The following ZNF804B variants were observed in gnomAD, a reference collection of about 807,000 sequenced individuals.
The protein encoded by ZNF804B is zinc finger 804B.
ZNF804B carries 80 observed loss-of-function variants against 101.4 expected under a neutral mutation model. The observed-to-expected ratio is 0.79, with a 90% CI of 0.66 to 0.95. ZNF804B has a LOEUF of 0.95. Ranked by LOEUF, ZNF804B falls within the 40% of genes least tolerant of loss-of-function variation. The pLI is 0.00. For missense variants in ZNF804B, 1,673 were observed against 1,561.9 expected, an observed-to-expected ratio of 1.07 and a Z score of -1.20; for synonymous variants, 622 against 558.8, an observed-to-expected ratio of 1.11 and a Z score of -1.59.
At chr7:88,762,738 A>G (rs1214873023) in intron 1 of ZNF804B, among the ~76,000 whole-genome samples, 2 of 151,812 alleles carry the variant, frequency 1.3e-5, no homozygotes, top group South Asian at 4.2e-4. Flanking sequence ...GGAATGACCT[A>G]AAATTGACCT....
At chr7:88,912,971 G>A (rs914748321) in intron 1 of ZNF804B, among the ~76,000 whole-genome samples, 8 of 152,138 alleles carry the variant, frequency 5.3e-5, no homozygotes, top group Non-Finnish European at 1.2e-4. Context: ...TCTTTTAGAA[G>A]CAACCTTTTG....
Position 88,988,411 on chromosome 7 carries a change from A to G in ZNF804B, c.108+228327A>G, listed in dbSNP as rs367634080. Reference sequence around the variant, plus strand: ...AGAGATGTGCTGCTCTATTTTGCATATAATGACACTTGATCAGTTGATATA... The same window carrying G: ...AGAGATGTGCTGCTCTATTTTGCATGTAATGACACTTGATCAGTTGATATA... On this transcript the variant is annotated intron_variant, in intron 1 of 3. Transcript: ENST00000333190. Among the ~76,000 whole-genome samples the G allele has an allele frequency of 9.2e-5, 14 of 152,246 alleles. No individual in the cohort carries two copies. The East Asian group carries it at 2.5e-3, about 27-fold the overall frequency.
chr7:88,893,567 C>A (rs1792244517), intron 1 of ZNF804B, among the ~76,000 whole-genome samples: 1 of 151,886 alleles, frequency 6.6e-6, no homozygotes, highest in Non-Finnish European at 1.5e-5. Context: ...TATACTAAAG[C>A]TTATGCAAAT....
At chr7:89,274,485 T>C (rs977994505) in intron 2 of ZNF804B, among the ~76,000 whole-genome samples, 2 of 150,556 alleles carry the variant, frequency 1.3e-5, no homozygotes, top group African/African-American at 4.9e-5. Context: ...ACAAAGGACA[T>C]GAACTCATCA....
intron 2 of ZNF804B, among the ~76,000 whole-genome samples, chr7:89,245,041 A>T (rs1168087019): frequency 6.6e-6 from 1 of 152,214 alleles, no homozygotes; most frequent in Non-Finnish European, 1.5e-5. Flanking sequence ...TAAAAATCTC[A>T]TGGACAAAAT....
At chr7:89,240,910 A>T (rs1226795595) in intron 2 of ZNF804B, among the ~76,000 whole-genome samples, 3 of 152,060 alleles carry the variant, frequency 2.0e-5, no homozygotes, top group African/African-American at 7.2e-5. Flanking sequence ...ACCCCACTTT[A>T]GTCCATTTCT....
intron 2 of ZNF804B, among the ~76,000 whole-genome samples, chr7:89,263,562 T>C (rs1433425843): frequency 2.0e-5 from 3 of 151,926 alleles, no homozygotes; most frequent in African/African-American, 7.3e-5. Flanking sequence ...AAAGATATGT[T>C]CTAACCACAC....
At chr7:88,775,767 A>G (rs1790132255) in intron 1 of ZNF804B, among the ~76,000 whole-genome samples, 1 of 152,224 alleles carries the variant, frequency 6.6e-6, no homozygotes, top group African/African-American at 2.4e-5. Context: ...ATGTATGACC[A>G]CTGAAATATG....
rs201369760 is a variant in ZNF804B at position 89,015,982 on chromosome 7, A to G, written c.109-202173A>G. On this transcript the variant is annotated intron_variant, in intron 1 of 3. Transcript: ENST00000333190. ...TGTAAAAGTGTTCCTATTTCTCCAC[A>G]TCCTCTCCAGCACCTGTTGTTTCCT... Among the ~76,000 whole-genome samples, 55 of 152,156 alleles carry G rather than the reference A, an allele frequency of 3.6e-4. No homozygotes were observed. In the East Asian group the frequency reaches 9.3e-3, roughly 26 times the overall value.
intron 1 of ZNF804B, among the ~76,000 whole-genome samples, chr7:89,160,154 A>G (rs906680296): frequency 1.3e-5 from 2 of 152,176 alleles, no homozygotes; most frequent in Non-Finnish European, 2.9e-5. Flanking sequence ...ATTGATAATT[A>G]ATTATTCTAT....
intron 1 of ZNF804B, among the ~76,000 whole-genome samples, chr7:88,915,695 A>G (rs1280430692): frequency 2.6e-5 from 4 of 151,950 alleles, no homozygotes; most frequent in African/African-American, 9.7e-5. Flanking sequence ...CTGAAAACAT[A>G]TTCTAGGAAA....
chr7:88,909,266 C>G (rs551013482), intron 1 of ZNF804B, among the ~76,000 whole-genome samples: 4 of 151,842 alleles, frequency 2.6e-5, no homozygotes, highest in African/African-American at 9.6e-5. Context: ...AACTGTTTTT[C>G]CTCATCTGCA....
At chr7:89,304,165 T>C (rs1453804161) in intron 2 of ZNF804B, among the ~76,000 whole-genome samples, 1 of 151,924 alleles carries the variant, frequency 6.6e-6, no homozygotes, top group Non-Finnish European at 1.5e-5. Flanking sequence ...CCCTTTGAAA[T>C]ATAATCATGG....
intron 1 of ZNF804B, among the ~76,000 whole-genome samples, chr7:89,194,111 C>A (rs1200510212): frequency 6.6e-6 from 1 of 151,640 alleles, no homozygotes; most frequent in East Asian, 1.9e-4. Flanking sequence ...TAAATGTCTT[C>A]TTTTCAGAAG....
chr7:88,851,053 A>G (rs1225050120), intron 1 of ZNF804B, among the ~76,000 whole-genome samples: 1 of 152,108 alleles, frequency 6.6e-6, no homozygotes, highest in Non-Finnish European at 1.5e-5. Flanking sequence ...GCAGAAGAAA[A>G]TATTAGAGAA....
At chr7:89,005,935 G>A (rs1469164619) in intron 1 of ZNF804B, among the ~76,000 whole-genome samples, 1 of 152,084 alleles carries the variant, frequency 6.6e-6, no homozygotes, top group Non-Finnish European at 1.5e-5. Flanking sequence ...ATTTACAGAA[G>A]AAAGGAGAAG....
At chr7:89,104,278 C>G (rs984133439) in intron 1 of ZNF804B, among the ~76,000 whole-genome samples, 1 of 151,988 alleles carries the variant, frequency 6.6e-6, no homozygotes, top group Non-Finnish European at 1.5e-5. Flanking sequence ...CTCTCCTCTT[C>G]AATTTCTTAG....
intron 1 of ZNF804B, among the ~76,000 whole-genome samples, chr7:89,156,238 C>T (rs1178677370): frequency 1.3e-5 from 2 of 151,866 alleles, no homozygotes; most frequent in East Asian, 1.9e-4. Context: ...CTCAGCCTCC[C>T]GAGTAGCTGG....
intron 1 of ZNF804B, among the ~76,000 whole-genome samples, chr7:88,853,929 C>T (rs559482522): frequency 7.9e-5 from 12 of 152,112 alleles, no homozygotes; most frequent in East Asian, 1.9e-4. Context: ...AAGATTAAAA[C>T]GTTTCGAGGG....
Sources: allele counts gnomAD v4.1 joint callset (sites outside exome capture counted in the v4.1 genomes callset), GRCh38; gene constraint gnomAD v4.1.1; transcripts MANE v1.5; gene names NCBI Gene and HGNC (gene_info 2026-07-23, HGNC 2026-07-21).